The following LDLRAD3 variants were observed in gnomAD, a reference collection of about 807,000 sequenced individuals.
LDLRAD3 encodes the protein low-density lipoprotein receptor class A domain-containing protein 3.
In LDLRAD3, 20 loss-of-function variants were observed where a neutral mutation model predicts 29.4. The observed-to-expected ratio is 0.68, with a 90% confidence interval of 0.48 to 0.99. The LOEUF is 0.99. Among genes scored for constraint, LDLRAD3 ranks in the 50% least tolerant of loss-of-function variants. The pLI is 0.00. For missense variants in LDLRAD3, 420 were observed against 454.3 expected (o/e 0.92, Z 0.69); for synonymous variants, 157 against 192.7 (o/e 0.81, Z 1.53).
At chr11:36,117,941 A>C (rs139842613) in intron 4 of LDLRAD3, among the ~76,000 whole-genome samples, 405 of 152,346 alleles carry the variant, frequency 2.7e-3, no homozygotes, top group African/African-American at 9.5e-3. Context: ...GGCCAGCATC[A>C]AGGTGTGTTT....
At chr11:36,069,637 C>CTT (rs59493684) in intron 2 of LDLRAD3, among the ~76,000 whole-genome samples, 37 of 144,904 alleles carry the variant, frequency 2.6e-4, no homozygotes, top group African/African-American at 9.1e-4. Context: ...AGAAATAGGG[C>CTT]TTTTTTTTTT....
intron 2 of LDLRAD3, among the ~76,000 whole-genome samples, chr11:36,056,935 A>G (rs980630809): frequency 1.3e-5 from 2 of 152,176 alleles, no homozygotes; most frequent in Admixed American, 1.3e-4. Flanking sequence ...GGTAAAATGC[A>G]GAGTCTGGCT....
intron 2 of LDLRAD3, among the ~76,000 whole-genome samples, chr11:36,079,303 A>G (rs541256987): frequency 6.6e-6 from 1 of 152,366 alleles, no homozygotes; most frequent in Non-Finnish European, 1.5e-5. Flanking sequence ...AACTTTGGTC[A>G]TCAGAAAAAA....
chr11:36,125,321 C>T (rs1222173982), intron 4 of LDLRAD3, among the ~76,000 whole-genome samples: 1 of 152,092 alleles, frequency 6.6e-6, no homozygotes, highest in African/African-American at 2.4e-5. Context: ...CACTTATTGT[C>T]GACTATGTGA....
intron 2 of LDLRAD3, 68 bp from the exon 3 acceptor site, chr11:36,081,585 A>G: frequency 6.3e-7 from 1 of 1,587,296 alleles, no homozygotes; most frequent in South Asian, 1.1e-5. Flanking sequence ...ATTCAGTGTT[A>G]GTGGGATGAG....
intron 3 of LDLRAD3, among the ~76,000 whole-genome samples, chr11:36,090,876 G>T (rs1472763069): frequency 3.9e-5 from 6 of 152,170 alleles, no homozygotes; most frequent in African/African-American, 1.2e-4. Flanking sequence ...GGTAGCCTTG[G>T]GGCTGGGAGA....
chr11:36,119,869 C>T (rs1410675812), intron 4 of LDLRAD3, among the ~76,000 whole-genome samples: 1 of 152,178 alleles, frequency 6.6e-6, no homozygotes, highest in Non-Finnish European at 1.5e-5. Flanking sequence ...GTTATTATTG[C>T]TTGTGCCTTT....
intron 1 of LDLRAD3, among the ~76,000 whole-genome samples, chr11:36,026,081 T>A (rs1852163440): frequency 6.6e-6 from 1 of 152,114 alleles, no homozygotes; most frequent in African/African-American, 2.4e-5. Context: ...CACCCGGCCC[T>A]GAATTTGATA....
intron 1 of LDLRAD3, among the ~76,000 whole-genome samples, chr11:36,008,728 C>A (rs1783846642): frequency 6.6e-6 from 1 of 152,118 alleles, no homozygotes; most frequent in African/African-American, 2.4e-5. Context: ...GAACTGAGGT[C>A]TTTGTTTTGT....
chr11:36,122,743 G>C lies in LDLRAD3; in HGVS notation c.454+24282G>C, dbSNP rs912274940. On this transcript the variant is annotated intron_variant, in intron 4 of 5. Coordinates refer to ENST00000315571, the MANE Select transcript of LDLRAD3 (RefSeq NM_174902.4). ...TTCTATGCACTCATGGTACTGCCTG[G>C]TGTGATGGTTCATGCCTGTAATCCC... Among the ~76,000 whole-genome samples, 3 of 152,058 alleles carry C rather than the reference G, an allele frequency of 2.0e-5. No individual in the cohort carries two copies. The South Asian group carries it at 6.2e-4, about 31-fold the overall frequency.
intron 3 of LDLRAD3, among the ~76,000 whole-genome samples, chr11:36,096,008 G>A (rs1853354946): frequency 1.3e-5 from 2 of 152,274 alleles, no homozygotes; most frequent in East Asian, 3.9e-4. Context: ...GTCAGACCTC[G>A]GTTTCAGCTT....
At chr11:36,151,192 T>C (rs1854273571) in intron 4 of LDLRAD3, among the ~76,000 whole-genome samples, 1 of 152,192 alleles carries the variant, frequency 6.6e-6, no homozygotes, top group South Asian at 2.1e-4. Flanking sequence ...ATCATGCTCA[T>C]ATCTGGGAAT....
chr11:36,017,865 A>T (rs1852044112), intron 1 of LDLRAD3, among the ~76,000 whole-genome samples: 1 of 152,234 alleles, frequency 6.6e-6, no homozygotes, highest in Non-Finnish European at 1.5e-5. Flanking sequence ...ATGCTTCAGG[A>T]TCTTGGTCCC....
At chr11:35,950,465 T>C (rs1851116929) in intron 1 of LDLRAD3, among the ~76,000 whole-genome samples, 1 of 152,202 alleles carries the variant, frequency 6.6e-6, no homozygotes, top group South Asian at 2.1e-4. Flanking sequence ...TTCTGTGGCT[T>C]TTGGACAATA....
chr11:36,191,622 ACGCACG>A (rs141057598), intron 4 of LDLRAD3, among the ~76,000 whole-genome samples: 4,551 of 81,740 alleles, frequency 0.056, 445 homozygotes, highest in African/African-American at 0.17. Flanking sequence ...ACACACACAC[ACGCACG>A]CACGCACGCA....
At chr11:36,048,373 C>G (rs1422809033) in intron 2 of LDLRAD3, among the ~76,000 whole-genome samples, 1 of 152,088 alleles carries the variant, frequency 6.6e-6, no homozygotes, top group Non-Finnish European at 1.5e-5. Context: ...CTGTCGAGTT[C>G]CCATTGACAC....
intron 1 of LDLRAD3, among the ~76,000 whole-genome samples, chr11:36,033,297 C>T (rs1590217070): frequency 6.6e-6 from 1 of 152,320 alleles, no homozygotes; most frequent in East Asian, 1.9e-4. Context: ...GTTCACCAGG[C>T]CCCAGGATCC....
At chr11:36,195,036 T>A (rs566409083) in intron 4 of LDLRAD3, among the ~76,000 whole-genome samples, 3 of 152,180 alleles carry the variant, frequency 2.0e-5, no homozygotes, top group Non-Finnish European at 4.4e-5. Flanking sequence ...AGTCTTACCA[T>A]GTGCAAAGTG....
intron 4 of LDLRAD3, among the ~76,000 whole-genome samples, chr11:36,182,520 C>T (rs1034343341): frequency 1.3e-5 from 2 of 151,900 alleles, no homozygotes; most frequent in African/African-American, 2.4e-5. Context: ...TATTTTTTTT[C>T]TCTCCTCATT....
Sources: gnomAD v4.1 joint callset for allele counts (sites outside exome capture counted in the v4.1 genomes callset) on GRCh38, gnomAD v4.1.1 for gene constraint, MANE v1.5 for transcripts, NCBI Gene and HGNC (gene_info 2026-07-23, HGNC 2026-07-21) for gene names.